PLCH1: variants seen among roughly 807,000 people sequenced by gnomAD.
The protein encoded by PLCH1 is phospholipase C eta 1.
Under a neutral mutation model 126.7 loss-of-function variants are expected in PLCH1, and 60 were observed. That is an observed-to-expected ratio of 0.47 (90% CI 0.38 to 0.59). The LOEUF (loss-of-function observed/expected upper bound fraction) is 0.59, where lower values mean the gene tolerates loss of function less well. PLCH1 is among the 20% of genes least tolerant of loss of function. The pLI, the probability that PLCH1 is intolerant of heterozygous loss-of-function variation, is 0.00. For synonymous variants in PLCH1, 719 were observed against 734.9 expected, an observed-to-expected ratio of 0.98 and a Z score of 0.35; for missense variants, 1,723 against 2,040.0, an observed-to-expected ratio of 0.84 and a Z score of 2.99.
intron 2 of PLCH1, among the ~76,000 whole-genome samples, chr3:155,667,927 A>AAAG (rs397960724): frequency 1.6e-4 from 23 of 146,202 alleles, no homozygotes; most frequent in African/African-American, 4.4e-4. Context: ...AAAAAAAAAA[A>AAAG]TACAAAAATT....
chr3:155,654,943 C>T (rs929424002), intron 2 of PLCH1, among the ~76,000 whole-genome samples: 2 of 152,176 alleles, frequency 1.3e-5, no homozygotes, highest in South Asian at 2.1e-4. Context: ...TTTGTATCAT[C>T]GACTTTGCTT....
intron 2 of PLCH1, among the ~76,000 whole-genome samples, chr3:155,622,664 C>CACAG (rs1553859118): frequency 1.3e-5 from 2 of 151,278 alleles, no homozygotes; most frequent in Non-Finnish European, 3.0e-5. Context: ...TCAAAAGAGA[C>CACAG]AAGGGCATTA....
intron 2 of PLCH1, among the ~76,000 whole-genome samples, chr3:155,622,248 G>A (rs756594396): frequency 7.9e-5 from 12 of 152,180 alleles, no homozygotes; most frequent in Non-Finnish European, 1.3e-4. Context: ...TCTTACAAGA[G>A]CTCCTGAAGG....
chr3:155,510,280 G>A (rs1467747687), intron 12 of PLCH1, among the ~76,000 whole-genome samples: 2 of 101,794 alleles, frequency 2.0e-5, no homozygotes, highest in African/African-American at 5.0e-5. Context: ...CCTGAATACA[G>A]CACACTGATG....
chr3:155,539,062 G>A (rs184456531), intron 10 of PLCH1, among the ~76,000 whole-genome samples: 106 of 151,892 alleles, frequency 7.0e-4, no homozygotes, highest in South Asian at 6.2e-4. Flanking sequence ...CACCGTGATC[G>A]AGTGGGTTTC....
In PLCH1 at chr3:155,621,873, C is replaced by T. The variant is rs184665829; in HGVS notation, c.80-25495G>A. 4.1e-4 allele frequency among the ~76,000 whole-genome samples: 63 copies of T among 152,250 alleles called. No homozygotes were observed. The East Asian group carries it at 0.011, about 26-fold the overall frequency. The stretch of plus-strand genomic sequence containing the variant: ...ATCCAGGAGAACCTCCCCAAACTAG[C>T]AAGACAGGCCAGCATTCAAATTCAG... On this transcript the variant is annotated intron_variant, in intron 2 of 22. Coordinates refer to ENST00000460012, the MANE Select transcript of PLCH1 (RefSeq NM_014996.4).
intron 2 of PLCH1, among the ~76,000 whole-genome samples, chr3:155,698,029 G>A (rs1745967591): frequency 6.6e-6 from 1 of 152,160 alleles, no homozygotes; most frequent in Non-Finnish European, 1.5e-5. Context: ...ACCACCAACA[G>A]CCAGGCCAGC....
intron 6 of PLCH1, among the ~76,000 whole-genome samples, chr3:155,575,989 C>T (rs961475828): frequency 2.0e-5 from 3 of 152,090 alleles, no homozygotes; most frequent in African/African-American, 4.8e-5. Flanking sequence ...ATGTTCCTGC[C>T]TTCTCTTCCT....
At chr3:155,550,312 T>A (rs1725940609) in intron 9 of PLCH1, among the ~76,000 whole-genome samples, 1 of 152,132 alleles carries the variant, frequency 6.6e-6, no homozygotes. Flanking sequence ...ATAATGTAAT[T>A]TTGTCTTATT....
intron 2 of PLCH1, among the ~76,000 whole-genome samples, chr3:155,656,112 C>T (rs73156551): frequency 0.053 from 8,006 of 151,984 alleles, 251 homozygotes; most frequent in Middle Eastern, 0.11. Flanking sequence ...CCTCCTACTT[C>T]ACCCCAAAAC....
chr3:155,599,992 G>A (rs1458265866), intron 2 of PLCH1, among the ~76,000 whole-genome samples: 1 of 152,094 alleles, frequency 6.6e-6, no homozygotes, highest in Non-Finnish European at 1.5e-5. Flanking sequence ...TGAAACAATA[G>A]GCTTCTTAAA....
intron 21 of PLCH1, among the ~76,000 whole-genome samples, chr3:155,486,375 C>T (rs981163208): frequency 3.9e-5 from 6 of 152,160 alleles, no homozygotes; most frequent in Non-Finnish European, 5.9e-5. Context: ...ATCCACTACA[C>T]TGTGATGTGT....
intron 9 of PLCH1, among the ~76,000 whole-genome samples, chr3:155,553,490 T>C (rs1726404419): frequency 6.6e-6 from 1 of 152,138 alleles, no homozygotes; most frequent in Non-Finnish European, 1.5e-5. Flanking sequence ...GAAAGTGATC[T>C]AGGGCAAAAC....
At chr3:155,581,874 C>T (rs1436841962) in intron 6 of PLCH1, among the ~76,000 whole-genome samples, 1 of 151,228 alleles carries the variant, frequency 6.6e-6, no homozygotes, top group East Asian at 1.9e-4. Context: ...CTCAGCCTCC[C>T]GAATAGCTGG....
intron 2 of PLCH1, among the ~76,000 whole-genome samples, chr3:155,678,345 C>T (rs1744257683): frequency 6.6e-6 from 1 of 152,162 alleles, no homozygotes; most frequent in East Asian, 1.9e-4. Context: ...AAGCCACTTA[C>T]CCAGGGGGAG....
chr3:155,578,822 C>T (rs531027505), intron 6 of PLCH1, among the ~76,000 whole-genome samples: 4 of 152,252 alleles, frequency 2.6e-5, no homozygotes, highest in African/African-American at 9.6e-5. Flanking sequence ...TATCTCCGGC[C>T]TTCCCCCCAG....
chr3:155,630,058 A>G (rs1363089663), intron 2 of PLCH1, among the ~76,000 whole-genome samples: 1 of 152,184 alleles, frequency 6.6e-6, no homozygotes, highest in Non-Finnish European at 1.5e-5. Flanking sequence ...TAAGCTCCGT[A>G]AGGACAGAAA....
At chr3:155,657,289 T>C (rs6769807) in intron 2 of PLCH1, among the ~76,000 whole-genome samples, 86,570 of 151,890 alleles carry the variant, frequency 0.57, 26,974 homozygotes, top group African/African-American at 0.82. Flanking sequence ...CTCAGCTTAC[T>C]GCCTGGAGAG....
chr3:155,703,528 T>C (rs1746427663), intron 2 of PLCH1, among the ~76,000 whole-genome samples: 1 of 152,206 alleles, frequency 6.6e-6, no homozygotes, highest in African/African-American at 2.4e-5. Context: ...TTGTCTTAGT[T>C]TGCCATGAAA....
Sources: gnomAD v4.1 joint callset for allele counts (sites outside exome capture counted in the v4.1 genomes callset) on GRCh38, gnomAD v4.1.1 for gene constraint, MANE v1.5 for transcripts, NCBI Gene and HGNC (gene_info 2026-07-23, HGNC 2026-07-21) for gene names.